Variants in ZBTB2 observed in about 807,000 individuals in gnomAD.
ZBTB2 encodes the protein zinc finger and BTB domain containing 2.
A neutral mutation model predicts 39.5 loss-of-function variants in ZBTB2; 2 were observed. That is an observed-to-expected ratio of 0.05 (90% CI 0.02 to 0.16). ZBTB2 has a LOEUF of 0.16. Ranked by LOEUF, ZBTB2 falls within the 10% of genes least tolerant of loss-of-function variation. The pLI, the probability that ZBTB2 is intolerant of heterozygous loss-of-function variation, is 1.00. For synonymous variants in ZBTB2, 251 were observed against 256.6 expected (o/e 0.98, Z 0.21); for missense variants, 391 against 653.0 (o/e 0.60, Z 4.37).
chr6:151,377,852 C>T (rs151005457), intron 1 of ZBTB2: 1 of 152,004 alleles, frequency 6.6e-6, no homozygotes, highest in African/African-American at 2.4e-5. Flanking sequence ...TTTTTAAAAG[C>T]CTACTACACA....
rs1200534973 is a variant in ZBTB2, at chr6:151,391,511, C to T, written c.-104G>A. On this transcript the variant is annotated 5_prime_UTR_variant, in exon 1 of 3. Transcript: ENST00000325144. ...TCCTCCCCGCCGCCGCCGCCTCTGC[C>T]TCTCGCTGCTGCTGCTGCTGCTGCC... is the stretch of plus-strand genomic sequence containing the variant. The T allele has an allele frequency of 3.3e-5, 5 of 153,750 alleles. No individual in the cohort carries two copies. The highest frequency in any genetic ancestry group is 1.8e-4 in the South Asian group (1 of 5,452). The allele number at this position is 153,750 out of a possible 1,614,324, so 9.5% of individuals were successfully genotyped here.
chr6:151,384,934 CATTCCTAA>C (rs112445572), intron 1 of ZBTB2, among the ~76,000 whole-genome samples: 108 of 152,294 alleles, frequency 7.1e-4, no homozygotes, highest in African/African-American at 2.5e-3. Flanking sequence ...CCCTACAGAG[CATTCCTAA>C]AAGTTCTTAC....
chr6:151,382,518 G>C lies in ZBTB2; in HGVS notation c.-12-8869C>G, dbSNP rs182289944. ...GATCCACCCGCCTCGGCCTCCCAAA[G>C]TGCTGGGATTACAGGCATGAGCCAC... On this transcript the variant is annotated intron_variant, in intron 1 of 2. Transcript: ENST00000325144. Among the ~76,000 whole-genome samples the C allele has an allele frequency of 3.4e-5, 5 of 146,072 alleles. No homozygotes were observed. In the East Asian group the frequency reaches 1.0e-3, roughly 30 times the overall value.
chr6:151,379,174 C>T (rs1778979390), intron 1 of ZBTB2, among the ~76,000 whole-genome samples: 1 of 152,170 alleles, frequency 6.6e-6, no homozygotes, highest in Admixed American at 6.5e-5. Flanking sequence ...TAACTCTTTT[C>T]TCCGTACTCT....
chr6:151,376,483 G>T (rs1159226471), intron 1 of ZBTB2, among the ~76,000 whole-genome samples: 3 of 151,854 alleles, frequency 2.0e-5, no homozygotes, highest in Admixed American at 1.3e-4. Context: ...AATATATAAA[G>T]AACTTTCAAA....
At chr6:151,381,663 G>A (rs1418308379) in intron 1 of ZBTB2, among the ~76,000 whole-genome samples, 1 of 152,192 alleles carries the variant, frequency 6.6e-6, no homozygotes. Flanking sequence ...TGCTTACTCT[G>A]CATCCCATAC....
At chr6:151,385,956 T>C (rs1345727625) in intron 1 of ZBTB2, among the ~76,000 whole-genome samples, 1 of 152,154 alleles carries the variant, frequency 6.6e-6, no homozygotes, top group Non-Finnish European at 1.5e-5. Context: ...TCCATAGTAA[T>C]TAGAAAAGAG....
At chr6:151,381,928 G>T (rs923720582) in intron 1 of ZBTB2, among the ~76,000 whole-genome samples, 3 of 152,200 alleles carry the variant, frequency 2.0e-5, no homozygotes, top group African/African-American at 7.2e-5. Context: ...TAACAACAGA[G>T]ATACGTTCTG....
intron 2 of ZBTB2, among the ~76,000 whole-genome samples, chr6:151,369,038 C>T (rs1017799444): frequency 1.3e-5 from 2 of 152,194 alleles, no homozygotes; most frequent in East Asian, 1.9e-4. Context: ...GCTAGGATTA[C>T]AGGCATGAAC....
chr6:151,373,859 A>AC (rs1778839256), intron 1 of ZBTB2, among the ~76,000 whole-genome samples: 6 of 144,644 alleles, frequency 4.1e-5, no homozygotes, highest in Non-Finnish European at 7.5e-5. Context: ...AAAAAAAAAA[A>AC]AAAAAAAAAA....
chr6:151,374,080 C>T, intron 1 of ZBTB2, among the ~76,000 whole-genome samples: 1 of 152,016 alleles, frequency 6.6e-6, no homozygotes, highest in Non-Finnish European at 1.5e-5. Flanking sequence ...TTTAAGATTC[C>T]AAATGGAAAT....
At chr6:151,390,426 T>A (rs1222288256) in intron 1 of ZBTB2, among the ~76,000 whole-genome samples, 1 of 149,250 alleles carries the variant, frequency 6.7e-6, no homozygotes, top group Non-Finnish European at 1.5e-5. Context: ...GCTCGCCGCT[T>A]CCCTCAGTCC....
rs181639654 is a variant in ZBTB2, at chr6:151,388,333, A to G, written c.-13+3087T>C. Among the ~76,000 whole-genome samples, 9 of 152,306 alleles carry G rather than the reference A, an allele frequency of 5.9e-5. No homozygotes were observed. In the East Asian group the frequency reaches 1.2e-3, roughly 20 times the overall value. ...GTGGGGCTAGGAATGAAGCACCAAG[A>G]AACAGTAAGAGCTGGAAGGGCAGTT... On this transcript the variant is annotated intron_variant, in intron 1 of 2. Coordinates refer to ENST00000325144, the MANE Select transcript of ZBTB2 (RefSeq NM_020861.3).
chr6:151,384,215 A>C (rs2114877706), intron 1 of ZBTB2, among the ~76,000 whole-genome samples: 1 of 152,368 alleles, frequency 6.6e-6, no homozygotes, highest in African/African-American at 2.4e-5. Flanking sequence ...GTAGAGAGCC[A>C]GAGAATAACG....
intron 2 of ZBTB2, among the ~76,000 whole-genome samples, chr6:151,368,908 C>T (rs1014517850): frequency 3.3e-5 from 5 of 151,402 alleles, no homozygotes; most frequent in Admixed American, 6.6e-5. Context: ...TACAGGTGCC[C>T]GCCACCAGGC....
At position 151,365,629 on chromosome 6, in the gene ZBTB2, G is replaced by A. The variant is rs549133340; in HGVS notation, c.1437C>T (p.Asp479=). ...QNQNSDVFAL[D]EGRSILLGSG... Reference sequence around the variant, plus strand: ...TGCCCAGGAGAATGGATCGCCCTTCGTCTAGGGCAAAAACATCCGAGTTCT... The same window carrying A: ...TGCCCAGGAGAATGGATCGCCCTTCATCTAGGGCAAAAACATCCGAGTTCT... The change falls in exon 3 of 3, where the codon GAC becomes GAT. Residue 479 remains aspartate (D), a synonymous_variant. Transcript: ENST00000325144. This position sits in a 1 kb window ranked among gnomAD's most constrained non-coding sequence, Gnocchi z 5.6. The A allele has an allele frequency of 8.1e-6, 13 of 1,614,190 alleles. No individual in the cohort carries two copies. Among genetic ancestry groups the A allele is most frequent in the East Asian group, 6.7e-5 (3 of 44,890 alleles).
intron 1 of ZBTB2, among the ~76,000 whole-genome samples, chr6:151,384,199 G>T (rs7775640): frequency 0.35 from 53,140 of 152,078 alleles, 10,830 homozygotes; most frequent in East Asian, 0.68. Context: ...ACAATAACCC[G>T]GAAGGGTAGA....
At chr6:151,371,384 C>T (rs991615300) in intron 2 of ZBTB2, among the ~76,000 whole-genome samples, 1 of 152,180 alleles carries the variant, frequency 6.6e-6, no homozygotes, top group Non-Finnish European at 1.5e-5. Flanking sequence ...CATATGCACT[C>T]TTATAAAGGA....
chr6:151,384,400 G>C (rs1779107149), intron 1 of ZBTB2, among the ~76,000 whole-genome samples: 1 of 152,164 alleles, frequency 6.6e-6, no homozygotes, highest in Admixed American at 6.5e-5. Flanking sequence ...AGACCTGCTG[G>C]AAAGTGGTCT....
Sources: allele counts gnomAD v4.1 joint callset (sites outside exome capture counted in the v4.1 genomes callset), GRCh38; gene constraint gnomAD v4.1.1; non-coding constraint Gnocchi (gnomAD v3.1); transcripts MANE v1.5; gene names NCBI Gene and HGNC (gene_info 2026-07-23, HGNC 2026-07-21).